SPRED2: variants seen among roughly 807,000 people sequenced by gnomAD.
The protein encoded by SPRED2 is sprouty-related, EVH1 domain-containing protein 2.
In SPRED2, 47 loss-of-function variants were observed where a neutral mutation model predicts 43.0. The ratio of observed to expected loss-of-function variants is 1.09; its 90% confidence interval spans 0.87 to 1.40. SPRED2 has a LOEUF of 1.40. SPRED2 is among the 40% of genes most tolerant of loss of function. The pLI is 0.00. For missense variants in SPRED2, 561 were observed against 586.4 expected, an observed-to-expected ratio of 0.96 and a Z score of 0.45; for synonymous variants, 225 against 225.7, an observed-to-expected ratio of 1.00 and a Z score of 0.03.
chr2:65,323,737 G>A (rs1236664800), intron 4 of SPRED2, among the ~76,000 whole-genome samples: 1 of 151,994 alleles, frequency 6.6e-6, no homozygotes, highest in South Asian at 2.1e-4. Context: ...TTAGCTGGGC[G>A]TGGTGGCAGG....
At chr2:65,396,584 C>T (rs916526043) in intron 1 of SPRED2, among the ~76,000 whole-genome samples, 1 of 152,218 alleles carries the variant, frequency 6.6e-6, no homozygotes, top group Non-Finnish European at 1.5e-5. Flanking sequence ...GCTTTGAAGA[C>T]TACGGAACCA....
At chr2:65,327,809 C>T (rs1034931163) in intron 4 of SPRED2, among the ~76,000 whole-genome samples, 16 of 150,418 alleles carry the variant, frequency 1.1e-4, no homozygotes, top group East Asian at 5.9e-4. Context: ...CTGCAACCTC[C>T]GCCTTCCAGG....
chr2:65,307,270 A>T (rs959762651), downstream of SPRED2, among the ~76,000 whole-genome samples: 2 of 152,140 alleles, frequency 1.3e-5, no homozygotes, highest in African/African-American at 4.8e-5. Context: ...ATCTCAGCTC[A>T]CTGCAGCCTT....
chr2:65,406,575 G>A (rs1676028584), intron 1 of SPRED2, among the ~76,000 whole-genome samples: 2 of 152,236 alleles, frequency 1.3e-5, no homozygotes, highest in Non-Finnish European at 2.9e-5. Context: ...CATGTGAGAT[G>A]TCCTGACATT....
At chr2:65,365,509 G>A (rs533538673) in intron 1 of SPRED2, among the ~76,000 whole-genome samples, 15 of 152,294 alleles carry the variant, frequency 9.8e-5, no homozygotes, top group African/African-American at 3.1e-4. Flanking sequence ...AAAGATTGCC[G>A]ATTTTTCCAG....
intron 1 of SPRED2, among the ~76,000 whole-genome samples, chr2:65,409,075 C>G (rs1239692488): frequency 6.6e-6 from 1 of 152,200 alleles, no homozygotes; most frequent in Non-Finnish European, 1.5e-5. Flanking sequence ...TACAACAGCC[C>G]AGAAAAGGAA....
intron 1 of SPRED2, 127 bp from the exon 2 acceptor site, chr2:65,345,023 C>A: frequency 3.5e-6 from 3 of 867,562 alleles, no homozygotes; most frequent in Non-Finnish European, 5.0e-6. Context: ...CTATGCTTGG[C>A]GGCAACCTTA....
rs944727988 is a variant in SPRED2, at chr2:65,312,004, G to A, written c.*1497C>T. 14 of 985,128 alleles carry A rather than the reference G, an allele frequency of 1.4e-5. No individual in the cohort carries two copies. The African/African-American group carries it at 1.6e-4, about 11-fold the overall frequency. The allele number at this position is 985,128 out of a possible 1,614,324, so 61.0% of individuals were successfully genotyped here. ...AAAGATCGTGGCGGGAAGAACAGCC[G>A]GCGTCCGCAAGCCTGTCCCCGGTGG... On this transcript the variant is annotated 3_prime_UTR_variant, in exon 6 of 6. Coordinates refer to ENST00000356388, the MANE Select transcript of SPRED2 (RefSeq NM_181784.3).
intron 1 of SPRED2, among the ~76,000 whole-genome samples, chr2:65,352,576 G>A (rs912302714): frequency 2.6e-5 from 4 of 152,190 alleles, no homozygotes; most frequent in Non-Finnish European, 5.9e-5. Context: ...AATCTTGCTC[G>A]TGCAGAGTAA....
chr2:65,313,891 C>T lies in SPRED2; in HGVS notation c.867G>A (p.Lys289=). The change falls in exon 6 of 6, where the codon AAG becomes AAA. Residue 289 remains lysine, a synonymous_variant. Coordinates refer to ENST00000356388, the MANE Select transcript of SPRED2 (RefSeq NM_181784.3). The part of the protein sequence containing the change: ...DPKGRGGSVI[K]TQPSRGKSRR... Reference sequence around the variant, plus strand: ...GCGACTTGCCCCGGGAGGGCTGCGTCTTGATCACGCTGCCCCCGCGGCCTT... The same window carrying T: ...GCGACTTGCCCCGGGAGGGCTGCGTTTTGATCACGCTGCCCCCGCGGCCTT... The T allele has an allele frequency of 1.9e-6, 3 of 1,610,332 alleles. No individual in the cohort carries two copies. The highest frequency in any genetic ancestry group is 2.5e-6 in the Non-Finnish European group (3 of 1,179,880).
intron 1 of SPRED2, among the ~76,000 whole-genome samples, chr2:65,351,003 G>A (rs1674494885): frequency 6.6e-6 from 1 of 152,166 alleles, no homozygotes; most frequent in Non-Finnish European, 1.5e-5. Flanking sequence ...AGTGTTACAG[G>A]TCGTGTCAGA....
chr2:65,313,183 AATC>A lies in SPRED2; in HGVS notation c.*315_*317del. The A allele has an allele frequency of 1.9e-6, 2 of 1,070,556 alleles. No individual in the cohort carries two copies. The allele number at this position is 1,070,556 out of a possible 1,614,324, so 66.3% of individuals were successfully genotyped here. The stretch of plus-strand genomic sequence containing the variant: ...AGAGGCGGGGGAGGAGGAAACAGGA[AATC>A]AACACATGGATGAGACAGTTAGCTT... On this transcript the variant is annotated 3_prime_UTR_variant, in exon 6 of 6. Transcript: ENST00000356388.
Position 65,313,726 on chromosome 2 carries a change from C to T in SPRED2, c.1032G>A (p.Trp344Ter), listed in dbSNP as rs752921726. 2 of 1,614,208 alleles carry T rather than the reference C, an allele frequency of 1.2e-6. No homozygotes were observed. The highest frequency in any genetic ancestry group is 1.7e-6 in the Non-Finnish European group (2 of 1,180,026). The stretch of plus-strand genomic sequence containing the variant: ...AGTGATAGAGCATGCTGTCCGCGCA[C>T]CACATGCAGCTCACCCGGCGGATGC... ...RTCIRRVSCMWCADSMLYHCM... is the reference protein window; with the variant it reads ...RTCIRRVSCM Residue 344 changes from tryptophan (W) to a stop codon, truncating the protein, a stop_gained, in exon 6 of 6, where the codon TGG becomes TGA. Coordinates refer to ENST00000356388, the MANE Select transcript of SPRED2 (RefSeq NM_181784.3). LOFTEE classifies it high-confidence loss of function.
At chr2:65,430,505 T>C (rs1676652240) in intron 1 of SPRED2, among the ~76,000 whole-genome samples, 1 of 152,230 alleles carries the variant, frequency 6.6e-6, no homozygotes, top group Non-Finnish European at 1.5e-5. Context: ...TGAGTAGATT[T>C]CCTAGAGTAG....
chr2:65,380,897 A>T (rs1352882506), intron 1 of SPRED2, among the ~76,000 whole-genome samples: 1 of 152,234 alleles, frequency 6.6e-6, no homozygotes, highest in East Asian at 1.9e-4. Flanking sequence ...ATTATGCTCC[A>T]TCAAAGAGCA....
intron 1 of SPRED2, among the ~76,000 whole-genome samples, chr2:65,425,462 C>T (rs567870766): frequency 6.6e-6 from 1 of 152,142 alleles, no homozygotes; most frequent in African/African-American, 2.4e-5. Context: ...TTTGATAATA[C>T]GTGTGCAATA....
In SPRED2 at chr2:65,312,156, T is replaced by G. The variant is rs1673087831; in HGVS notation, c.*1345A>C. 3.0e-6 allele frequency: 3 copies of G among 985,504 alleles called. No individual in the cohort carries two copies. The highest frequency in any genetic ancestry group is 3.6e-6 in the Non-Finnish European group (3 of 829,942). The allele number at this position is 985,504 out of a possible 1,614,324, so 61.0% of individuals were successfully genotyped here. A position where few individuals can be genotyped will look rare whatever the true frequency, so the allele number is the denominator to read the frequency against. The stretch of plus-strand genomic sequence containing the variant: ...AGAAAAATACTCTTTTCCAGCTAAT[T>G]AGAAGCCTCCTCCGTGGCAAGGCGA... On this transcript the variant is annotated 3_prime_UTR_variant, in exon 6 of 6. Transcript: ENST00000356388.
intron 4 of SPRED2, among the ~76,000 whole-genome samples, chr2:65,319,030 C>A (rs1673328525): frequency 6.6e-6 from 1 of 152,158 alleles, no homozygotes; most frequent in African/African-American, 2.4e-5. Flanking sequence ...TACAAAAGTT[C>A]TTTTTATCCT....
At chr2:65,403,151 C>T (rs1675943615) in intron 1 of SPRED2, among the ~76,000 whole-genome samples, 1 of 152,234 alleles carries the variant, frequency 6.6e-6, no homozygotes, top group Non-Finnish European at 1.5e-5. Flanking sequence ...CGGCTATAAA[C>T]TCGGCAGTAC....
Sources: allele counts gnomAD v4.1 joint callset (sites outside exome capture counted in the v4.1 genomes callset), GRCh38; gene constraint gnomAD v4.1.1; transcripts MANE v1.5; gene names NCBI Gene and HGNC (gene_info 2026-07-23, HGNC 2026-07-21).